The following PAWR variants were observed in gnomAD, a reference collection of about 807,000 sequenced individuals.
PAWR encodes pro-apoptotic WT1 regulator.
A neutral mutation model predicts 32.0 loss-of-function variants in PAWR; 23 were observed. That is an observed-to-expected ratio of 0.72 (90% CI 0.52 to 1.02). The LOEUF is 1.02. Ranked by LOEUF, PAWR falls within the 50% of genes least tolerant of loss-of-function variation. PAWR has a pLI of 0.00. For missense variants in PAWR, 457 were observed against 437.7 expected, an observed-to-expected ratio of 1.04 and a Z score of -0.39; for synonymous variants, 226 against 187.1, an observed-to-expected ratio of 1.21 and a Z score of -1.70.
rs560306831 is a variant in PAWR at position 79,634,884 on chromosome 12, T to G, written c.517-13677A>C. Among the ~76,000 whole-genome samples the G allele has an allele frequency of 6.2e-4, 94 of 152,272 alleles. 1 individual carries two copies. Among genetic ancestry groups the G allele is most frequent in the Non-Finnish European group, 1.0e-3 (71 of 68,008 alleles). ...GTATGTTAACGTTTTTACATAATTTTTTTTTAATTTTAAAGAGGCTATCTG... is the reference window on the plus strand; with the variant it reads ...GTATGTTAACGTTTTTACATAATTTGTTTTTAATTTTAAAGAGGCTATCTG... On this transcript the variant is annotated intron_variant, in intron 2 of 6. Transcript: ENST00000328827.
chr12:79,681,998 T>C (rs2136884067), intron 2 of PAWR, among the ~76,000 whole-genome samples: 1 of 152,344 alleles, frequency 6.6e-6, no homozygotes, highest in African/African-American at 2.4e-5. Flanking sequence ...AACCTGCAAA[T>C]TCTAAAATAT....
rs369681003 is a variant in PAWR at position 79,592,593 on chromosome 12, G to A, written c.*14C>T. 1 of 751,482 alleles carries A rather than the reference G, an allele frequency of 1.3e-6. No individual in the cohort carries two copies. The highest frequency in any genetic ancestry group is 1.8e-5 in the African/African-American group (1 of 56,940). The allele number at this position is 751,482 out of a possible 1,614,324, so 46.6% of individuals were successfully genotyped here. A position where few individuals can be genotyped will look rare whatever the true frequency, so the allele number is the denominator to read the frequency against. On this transcript the variant is annotated 3_prime_UTR_variant, in exon 7 of 7. Coordinates refer to ENST00000328827, the MANE Select transcript of PAWR (RefSeq NM_002583.4). The stretch of plus-strand genomic sequence containing the variant: ...TAGTTTAAAATATTTTTTCCACATT[G>A]AGTCTTGAATCCTCTACCTGGTCAG...
chr12:79,603,374 G>A (rs1231740463), intron 4 of PAWR, among the ~76,000 whole-genome samples: 2 of 151,920 alleles, frequency 1.3e-5, no homozygotes, highest in African/African-American at 2.4e-5. Context: ...AACAGAGGAA[G>A]GTATCACTAA....
intron 4 of PAWR, among the ~76,000 whole-genome samples, chr12:79,599,960 T>C (rs1873896663): frequency 6.6e-6 from 1 of 152,210 alleles, no homozygotes; most frequent in South Asian, 2.1e-4. Flanking sequence ...ATAATGAATT[T>C]GGTTTTGAAC....
chr12:79,607,162 G>A (rs1484597147), intron 4 of PAWR, among the ~76,000 whole-genome samples: 4 of 151,998 alleles, frequency 2.6e-5, no homozygotes, highest in Non-Finnish European at 5.9e-5. Context: ...GGTGGCTCAC[G>A]CCTGTAATCC....
intron 4 of PAWR, among the ~76,000 whole-genome samples, chr12:79,597,640 T>C (rs933678809): frequency 1.3e-5 from 2 of 152,186 alleles, no homozygotes; most frequent in African/African-American, 2.4e-5. Context: ...TATTGATAAT[T>C]TTGTTATGCC....
chr12:79,596,800 TA>T (rs767785627), intron 4 of PAWR, 142 bp from the exon 5 acceptor site: 8 of 536,054 alleles, frequency 1.5e-5, no homozygotes, highest in Non-Finnish European at 2.3e-5. Flanking sequence ...CTGTAGAAGT[TA>T]ATCATTATTC....
chr12:79,663,967 T>C (rs890930682), intron 2 of PAWR, among the ~76,000 whole-genome samples: 1 of 152,188 alleles, frequency 6.6e-6, no homozygotes, highest in Admixed American at 6.5e-5. Flanking sequence ...ATATGCCAAA[T>C]ATACATTTTA....
chr12:79,670,189 A>G (rs1322943714), intron 2 of PAWR, among the ~76,000 whole-genome samples: 1 of 152,226 alleles, frequency 6.6e-6, no homozygotes, highest in African/African-American at 2.4e-5. Context: ...AAAGCCATGT[A>G]AACAGTTTTA....
intron 2 of PAWR, among the ~76,000 whole-genome samples, chr12:79,628,480 T>G (rs902009612): frequency 6.6e-6 from 1 of 151,850 alleles, no homozygotes; most frequent in Non-Finnish European, 1.5e-5. Context: ...CTGAAGGAAA[T>G]AGAGACACAA....
chr12:79,680,711 TA>T (rs1260958161), intron 2 of PAWR, among the ~76,000 whole-genome samples: 2 of 151,940 alleles, frequency 1.3e-5, no homozygotes, highest in South Asian at 2.1e-4. Flanking sequence ...TATAGAGGTT[TA>T]AAAAAAGAAA....
intron 2 of PAWR, among the ~76,000 whole-genome samples, chr12:79,677,430 A>C (rs1020198893): frequency 6.6e-6 from 1 of 152,230 alleles, no homozygotes; most frequent in East Asian, 1.9e-4. Flanking sequence ...GAAACAACAA[A>C]AAAAAGTAAT....
At chr12:79,614,699 C>T (rs950290654) in intron 3 of PAWR, among the ~76,000 whole-genome samples, 5 of 152,024 alleles carry the variant, frequency 3.3e-5, no homozygotes, top group African/African-American at 4.8e-5. Flanking sequence ...AAGAGAGATC[C>T]TACAATTAAA....
At chr12:79,612,778 A>C (rs942748300) in intron 4 of PAWR, among the ~76,000 whole-genome samples, 5 of 152,200 alleles carry the variant, frequency 3.3e-5, no homozygotes, top group African/African-American at 1.2e-4. Context: ...TTATGGCCTC[A>C]ACAGGGAAGA....
At position 79,632,345 on chromosome 12, in the gene PAWR, A is replaced by T. The variant is rs1207939402; in HGVS notation, c.517-11138T>A. On this transcript the variant is annotated intron_variant, in intron 2 of 6. Transcript: ENST00000328827. ...TATATATATATATATATATATATAT[A>T]TATATATATATATATATTTTTTTTT... 1.5e-4 allele frequency among the ~76,000 whole-genome samples: 9 copies of T among 58,752 alleles called. 1 individual carries two copies. The highest frequency in any genetic ancestry group is 1.4e-3 in the African/African-American group (4 of 2,792). 38.5% of individuals were successfully genotyped at this position (58,752 alleles called of 152,430 possible).
At chr12:79,675,494 T>A (rs1365106346) in intron 2 of PAWR, among the ~76,000 whole-genome samples, 3 of 152,044 alleles carry the variant, frequency 2.0e-5, no homozygotes, top group Non-Finnish European at 4.4e-5. Context: ...CAGATCCCCA[T>A]CAACAGTTGA....
At chr12:79,603,044 C>A (rs1373766647) in intron 4 of PAWR, among the ~76,000 whole-genome samples, 1 of 151,892 alleles carries the variant, frequency 6.6e-6, no homozygotes, top group Non-Finnish European at 1.5e-5. Flanking sequence ...GAGTTCAAGA[C>A]CAGTCTGGAC....
intron 4 of PAWR, among the ~76,000 whole-genome samples, chr12:79,609,809 A>G (rs1431459161): frequency 6.6e-6 from 1 of 152,208 alleles, no homozygotes; most frequent in Admixed American, 6.5e-5. Flanking sequence ...AGCAGAGAGC[A>G]ACTGCCTCAC....
rs1436071067 is a variant in PAWR at position 79,587,686 on chromosome 12, G to C, written c.*4921C>G. The C allele has an allele frequency of 6.6e-6, 1 of 151,882 alleles. No individual in the cohort carries two copies. Among genetic ancestry groups the C allele is most frequent in the African/African-American group, 2.4e-5 (1 of 41,410 alleles). 9.4% of individuals were successfully genotyped at this position (151,882 alleles called of 1,614,324 possible). A position where few individuals can be genotyped will look rare whatever the true frequency, so the allele number is the denominator to read the frequency against. ...TTTTAAAGTGCTGCATATGGTTTCT[G>C]TAAGAGGTACATAATTAGATTACCA... On this transcript the variant is annotated 3_prime_UTR_variant, in exon 7 of 7. Coordinates refer to ENST00000328827, the MANE Select transcript of PAWR (RefSeq NM_002583.4).
Sources: allele counts gnomAD v4.1 joint callset (sites outside exome capture counted in the v4.1 genomes callset), GRCh38; gene constraint gnomAD v4.1.1; transcripts MANE v1.5; gene names NCBI Gene and HGNC (gene_info 2026-07-23, HGNC 2026-07-21).